Variants in SUGCT observed in about 807,000 individuals in gnomAD.
The protein encoded by SUGCT is succinyl-CoA:glutarate-CoA transferase, also known as succinyl-CoA:glutarate CoA-transferase.
In SUGCT, 41 loss-of-function variants were observed where a neutral mutation model predicts 55.0. The observed-to-expected ratio is 0.74, with a 90% CI of 0.58 to 0.97. The LOEUF (loss-of-function observed/expected upper bound fraction) is 0.97, where lower values mean the gene tolerates loss of function less well. Ranked by LOEUF, SUGCT falls within the 50% of genes least tolerant of loss-of-function variation. The probability of loss-of-function intolerance (pLI) is 0.00; values close to 1 mark genes in which losing one functional copy is unlikely to be tolerated. For missense variants in SUGCT, 568 were observed against 547.8 expected (o/e 1.04, Z -0.37); for synonymous variants, 187 against 200.4 (o/e 0.93, Z 0.56).
At chr7:40,181,041 C>T (rs780049180) in intron 2 of SUGCT, 43 bp downstream of exon 2, 2 of 1,404,872 alleles carry the variant, frequency 1.4e-6, no homozygotes, top group African/African-American at 1.4e-5. Flanking sequence ...GGGTTTTTCC[C>T]TTTCCTCAAA....
At chr7:40,194,809 C>A in intron 5 of SUGCT, 131 bp from the exon 6 acceptor site, 6 of 1,028,068 alleles carry the variant, frequency 5.8e-6, no homozygotes, top group Non-Finnish European at 8.1e-6. Flanking sequence ...CTATGTTTAT[C>A]TAATTTGCTT....
At chr7:40,170,091 T>C (rs10243494) in intron 1 of SUGCT, among the ~76,000 whole-genome samples, 70,198 of 151,946 alleles carry the variant, frequency 0.46, 16,421 homozygotes, top group Middle Eastern at 0.63. Flanking sequence ...AGTTAGCAAA[T>C]GTCTGTGGCA....
At chr7:40,477,483 G>A (rs1175542137) in intron 11 of SUGCT, among the ~76,000 whole-genome samples, 1 of 152,116 alleles carries the variant, frequency 6.6e-6, no homozygotes, top group African/African-American at 2.4e-5. Flanking sequence ...TGGGTGGAAT[G>A]ACATTGTCGG....
At chr7:40,217,299 C>G (rs190991100) in intron 6 of SUGCT, 1 of 321,742 alleles carries the variant, frequency 3.1e-6, no homozygotes, top group Admixed American at 3.7e-5. Context: ...CGACCTCTGC[C>G]TCCGGGACTC....
the SUGCT span, among the ~76,000 whole-genome samples, chr7:40,899,412 C>T: frequency 1.3e-5 from 2 of 152,204 alleles, no homozygotes; most frequent in Non-Finnish European, 2.9e-5. Flanking sequence ...GCGCCAAAGC[C>T]TCTTTGCTCC....
At chr7:40,991,687 C>T in the SUGCT span, among the ~76,000 whole-genome samples, 3 of 152,064 alleles carry the variant, frequency 2.0e-5, no homozygotes, top group Admixed American at 1.3e-4. Context: ...GTGAGAAGAC[C>T]CACCTGCAGC....
chr7:40,146,396 GAC>G (rs1284118513), intron 1 of SUGCT, among the ~76,000 whole-genome samples: 1 of 152,214 alleles, frequency 6.6e-6, no homozygotes, highest in Admixed American at 6.5e-5. Flanking sequence ...AGGAAGTAAA[GAC>G]ACACACGCAG....
chr7:40,967,790 T>G, the SUGCT span, among the ~76,000 whole-genome samples: 3 of 151,910 alleles, frequency 2.0e-5, no homozygotes, highest in African/African-American at 7.3e-5. Flanking sequence ...CCAGCTAATT[T>G]TTTTTGTATT....
intron 12 of SUGCT, among the ~76,000 whole-genome samples, chr7:40,674,622 G>T (rs1440426068): frequency 6.6e-6 from 1 of 152,112 alleles, no homozygotes; most frequent in Non-Finnish European, 1.5e-5. Flanking sequence ...CCTCATCCAT[G>T]AAAAATAAAA....
At chr7:40,917,959 A>G in the SUGCT span, among the ~76,000 whole-genome samples, 1 of 152,158 alleles carries the variant, frequency 6.6e-6, no homozygotes, top group Non-Finnish European at 1.5e-5. Flanking sequence ...GCTGGATACA[A>G]TCATTCAGTT....
intron 1 of SUGCT, among the ~76,000 whole-genome samples, chr7:40,145,389 T>C (rs1342374936): frequency 3.3e-5 from 5 of 152,296 alleles, no homozygotes; most frequent in Admixed American, 3.3e-4. Flanking sequence ...CAGACAATTC[T>C]TTGACATGCC....
intron 7 of SUGCT, among the ~76,000 whole-genome samples, chr7:40,241,371 G>A (rs1050491869): frequency 1.3e-5 from 2 of 151,996 alleles, no homozygotes; most frequent in Non-Finnish European, 2.9e-5. Context: ...TTAAGGTCAG[G>A]AGTTCAAGAC....
the SUGCT span, among the ~76,000 whole-genome samples, chr7:40,937,332 C>G: frequency 6.6e-6 from 1 of 152,086 alleles, no homozygotes; most frequent in Non-Finnish European, 1.5e-5. Flanking sequence ...CTATGCCCAG[C>G]AAATTTTTTT....
chr7:40,958,305 G>A, the SUGCT span, among the ~76,000 whole-genome samples: 1 of 151,966 alleles, frequency 6.6e-6, no homozygotes, highest in Non-Finnish European at 1.5e-5. Flanking sequence ...CACCAATTAA[G>A]CATAGGTTTT....
the SUGCT span, among the ~76,000 whole-genome samples, chr7:40,985,763 A>G: frequency 2.0e-3 from 304 of 152,326 alleles, no homozygotes; most frequent in African/African-American, 7.1e-3. Flanking sequence ...CTAGAAAGTG[A>G]TACAATCAGA....
intron 11 of SUGCT, among the ~76,000 whole-genome samples, chr7:40,485,123 T>A (rs1346183427): frequency 6.6e-6 from 1 of 152,108 alleles, no homozygotes; most frequent in African/African-American, 2.4e-5. Flanking sequence ...GGTTCATTTT[T>A]AAAAAGTTAA....
chr7:40,395,030 A>T (rs1785645979), intron 9 of SUGCT, among the ~76,000 whole-genome samples: 2 of 152,172 alleles, frequency 1.3e-5, no homozygotes, highest in Admixed American at 6.6e-5. Context: ...AATGTTGTGA[A>T]ATATTATTAT....
At chr7:40,942,363 C>T in the SUGCT span, among the ~76,000 whole-genome samples, 5 of 152,202 alleles carry the variant, frequency 3.3e-5, no homozygotes, top group African/African-American at 1.2e-4. Flanking sequence ...GATAGTTATT[C>T]CATTTGAGGA....
chr7:40,523,311 A>G (rs955823934), intron 12 of SUGCT, among the ~76,000 whole-genome samples: 1 of 152,110 alleles, frequency 6.6e-6, no homozygotes, highest in Non-Finnish European at 1.5e-5. Context: ...AGCAGATACA[A>G]TGAAATTATG....
Sources: allele counts gnomAD v4.1 joint callset (sites outside exome capture counted in the v4.1 genomes callset), GRCh38; gene constraint gnomAD v4.1.1; transcripts MANE v1.5; gene names NCBI Gene and HGNC (gene_info 2026-07-23, HGNC 2026-07-21).